PPP4R4: variants seen among roughly 807,000 people sequenced by gnomAD.
The protein encoded by PPP4R4 is protein phosphatase 4 regulatory subunit 4.
In PPP4R4, 70 loss-of-function variants were observed where a neutral mutation model predicts 121.8. That is an observed-to-expected ratio of 0.57 (90% confidence interval 0.47 to 0.70). The LOEUF is 0.70. Among genes scored for constraint, PPP4R4 ranks in the 30% least tolerant of loss-of-function variants. The pLI, the probability that PPP4R4 is intolerant of heterozygous loss-of-function variation, is 0.00. For synonymous variants in PPP4R4, 348 were observed against 355.7 expected (o/e 0.98, Z 0.24); for missense variants, 875 against 1,033.6 (o/e 0.85, Z 2.10).
intron 23 of PPP4R4, among the ~76,000 whole-genome samples, chr14:94,272,515 G>A (rs996795565): frequency 6.6e-6 from 1 of 152,180 alleles, no homozygotes; most frequent in Middle Eastern, 3.4e-3. Flanking sequence ...AAAATGAATC[G>A]CTGTTCTAAA....
intron 20 of PPP4R4, 43 bp from the exon 21 acceptor site, chr14:94,265,344 G>A (rs979972753): frequency 2.9e-6 from 4 of 1,383,640 alleles, no homozygotes; most frequent in East Asian, 4.6e-5. Flanking sequence ...GATTAATAAG[G>A]ACTTAGAGGA....
intron 13 of PPP4R4, 33 bp from the exon 14 acceptor site, chr14:94,246,324 T>C: frequency 6.4e-7 from 1 of 1,565,984 alleles, no homozygotes; most frequent in Admixed American, 1.9e-5. Context: ...GCAATTTATT[T>C]ATAATTGATT....
intron 24 of PPP4R4, among the ~76,000 whole-genome samples, chr14:94,275,804 T>C (rs1894607614): frequency 1.3e-5 from 2 of 152,194 alleles, no homozygotes; most frequent in Non-Finnish European, 2.9e-5. Flanking sequence ...TGTTTACATT[T>C]AGGGAATTTA....
At chr14:94,217,287 G>A (rs996707164) in intron 3 of PPP4R4, among the ~76,000 whole-genome samples, 4 of 152,192 alleles carry the variant, frequency 2.6e-5, no homozygotes, top group Non-Finnish European at 4.4e-5. Context: ...AAAGGTAATA[G>A]TGGCCCACTA....
chr14:94,273,991 A>T (rs565490600), intron 23 of PPP4R4, among the ~76,000 whole-genome samples: 1 of 152,160 alleles, frequency 6.6e-6, no homozygotes, highest in South Asian at 2.1e-4. Flanking sequence ...CTCATCCATC[A>T]TCCCCTCTGA....
intron 23 of PPP4R4, among the ~76,000 whole-genome samples, chr14:94,272,658 A>G (rs970269008): frequency 6.6e-6 from 1 of 152,210 alleles, no homozygotes; most frequent in Non-Finnish European, 1.5e-5. Flanking sequence ...GCTGAAATTC[A>G]TTAAAATTAA....
intron 7 of PPP4R4, 100 bp downstream of exon 7, chr14:94,234,769 T>C: frequency 3.7e-6 from 3 of 818,666 alleles, no homozygotes; most frequent in Non-Finnish European, 4.0e-6. Context: ...ACCTCCTCTA[T>C]GTCTGGATTA....
chr14:94,208,354 G>A (rs1890571663), intron 2 of PPP4R4, 110 bp from the exon 3 acceptor site: 1 of 668,740 alleles, frequency 1.5e-6, no homozygotes, highest in Middle Eastern at 3.4e-4. Flanking sequence ...AGAAGTCTGA[G>A]TGCTTAACAT....
At chr14:94,248,552 A>T (rs923301144) in intron 14 of PPP4R4, among the ~76,000 whole-genome samples, 3 of 152,206 alleles carry the variant, frequency 2.0e-5, no homozygotes, top group Non-Finnish European at 4.4e-5. Flanking sequence ...AATTAAAAAA[A>T]TTATTTTAAA....
At chr14:94,253,185 T>G (rs1893281754) in intron 16 of PPP4R4, among the ~76,000 whole-genome samples, 1 of 152,186 alleles carries the variant, frequency 6.6e-6, no homozygotes, top group Admixed American at 6.5e-5. Context: ...GGGCTGGGCG[T>G]CATGGCTCAT....
intron 7 of PPP4R4, among the ~76,000 whole-genome samples, chr14:94,236,238 C>A (rs1048441535): frequency 1.7e-4 from 26 of 151,886 alleles, no homozygotes; most frequent in Non-Finnish European, 3.1e-4. Flanking sequence ...GCATCACTGT[C>A]ACATGTTTTT....
At chr14:94,264,587 T>G (rs1168077765) in intron 19 of PPP4R4, among the ~76,000 whole-genome samples, 2 of 152,210 alleles carry the variant, frequency 1.3e-5, no homozygotes, top group Non-Finnish European at 2.9e-5. Flanking sequence ...TAATGGATAT[T>G]TTGCTAATGT....
intron 7 of PPP4R4, among the ~76,000 whole-genome samples, chr14:94,235,308 G>A (rs934258971): frequency 3.3e-5 from 5 of 150,858 alleles, no homozygotes; most frequent in African/African-American, 9.8e-5. Flanking sequence ...GTTGAGGGCC[G>A]ACTACACTCT....
chr14:94,262,218 C>T (rs1461404388), intron 19 of PPP4R4, among the ~76,000 whole-genome samples: 1 of 151,906 alleles, frequency 6.6e-6, no homozygotes, highest in African/African-American at 2.4e-5. Flanking sequence ...ATTCTATTTC[C>T]TTAGTAGACA....
intron 2 of PPP4R4, among the ~76,000 whole-genome samples, chr14:94,188,156 A>G (rs1159654601): frequency 6.6e-6 from 1 of 152,106 alleles, no homozygotes; most frequent in African/African-American, 2.4e-5. Flanking sequence ...ACGGGTATTG[A>G]ATCTTGTAGA....
chr14:94,220,093 G>A (rs961942014), intron 3 of PPP4R4, among the ~76,000 whole-genome samples: 10 of 152,064 alleles, frequency 6.6e-5, no homozygotes, highest in African/African-American at 2.4e-4. Context: ...GTGGTGGCAG[G>A]CATCTGTAAT....
intron 3 of PPP4R4, among the ~76,000 whole-genome samples, chr14:94,224,760 G>A (rs1459877877): frequency 1.3e-5 from 2 of 152,118 alleles, no homozygotes; most frequent in Admixed American, 1.3e-4. Context: ...GAACAGGTCT[G>A]CCAATAAAAA....
Position 94,278,661 on chromosome 14 carries a change from G to A in PPP4R4, c.*18G>A, listed in dbSNP as rs1894772501. 5 of 1,564,318 alleles carry A rather than the reference G, an allele frequency of 3.2e-6. No individual in the cohort carries two copies. Among genetic ancestry groups the A allele is most frequent in the Non-Finnish European group, 3.5e-6 (4 of 1,151,932 alleles). Reference sequence around the variant, plus strand: ...ATCCTTAAATCAACTGCTTGATGAAGGAGGCAAAACAAAGGCAGCAGGAGA... The same window carrying A: ...ATCCTTAAATCAACTGCTTGATGAAAGAGGCAAAACAAAGGCAGCAGGAGA... On this transcript the variant is annotated 3_prime_UTR_variant, in exon 25 of 25. Coordinates refer to ENST00000304338, the MANE Select transcript of PPP4R4 (RefSeq NM_058237.2).
chr14:94,230,755 A>C, intron 4 of PPP4R4, 21 bp downstream of exon 4: 1 of 1,589,618 alleles, frequency 6.3e-7, no homozygotes, highest in Non-Finnish European at 8.6e-7. Flanking sequence ...TGGCATGCTT[A>C]ATTATATACT....
Sources: allele counts gnomAD v4.1 joint callset (sites outside exome capture counted in the v4.1 genomes callset), GRCh38; gene constraint gnomAD v4.1.1; transcripts MANE v1.5; gene names NCBI Gene and HGNC (gene_info 2026-07-23, HGNC 2026-07-21).